HMCN1: variants seen among roughly 807,000 people sequenced by gnomAD.
The protein encoded by HMCN1 is hemicentin-1.
Under a neutral mutation model 625.9 loss-of-function variants are expected in HMCN1, and 321 were observed. That is an observed-to-expected ratio of 0.51 (90% CI 0.47 to 0.56). HMCN1 has a LOEUF of 0.56. HMCN1 is among the 20% of genes least tolerant of loss of function. HMCN1 has a pLI of 0.00. For missense variants in HMCN1, 6,588 were observed against 6,887.3 expected, an observed-to-expected ratio of 0.96 and a Z score of 1.54; for synonymous variants, 2,425 against 2,417.6, an observed-to-expected ratio of 1.00 and a Z score of -0.09.
chr1:186,127,431 G>T (rs533477785), intron 82 of HMCN1, among the ~76,000 whole-genome samples: 1 of 152,186 alleles, frequency 6.6e-6, no homozygotes, highest in African/African-American at 2.4e-5. Flanking sequence ...CTTCTCGCTT[G>T]CCACCATTAA....
At position 185,865,801 on chromosome 1, in the gene HMCN1, G is replaced by A; in HGVS notation, c.559G>A (p.Glu187Lys). 1 of 1,612,072 alleles carries A rather than the reference G, an allele frequency of 6.2e-7. No homozygotes were observed. The highest frequency in any genetic ancestry group is 2.2e-5 in the East Asian group (1 of 44,784). ...GACCCATATTGGATATAAAGTCTAT[G>A]AAGAAATTGCCTCTACAAGTTCTGG... The part of the protein sequence containing the change: ...DRTHIGYKVY[E>K]EIASTSSGQV... Residue 187 changes from glutamate (E) to lysine (K), a missense_variant, in exon 4 of 107, where the codon GAA (glutamate) becomes AAA (lysine). Around this residue, in one of 3 missense-constraint regions of HMCN1, gnomAD observed 4,628 missense variants for 4,853.1 expected, o/e 0.95. Coordinates refer to ENST00000271588, the MANE Select transcript of HMCN1 (RefSeq NM_031935.3).
At position 186,121,361 on chromosome 1, in the gene HMCN1, A is replaced by G. The variant is rs549157185; in HGVS notation, c.12229+1216A>G. Among the ~76,000 whole-genome samples the G allele has an allele frequency of 5.0e-4, 76 of 152,284 alleles. 2 individuals carry two copies. In the South Asian group the frequency reaches 0.012, roughly 25 times the overall value. ...TGCAGCTCTAGGTAATGGTTTAGAG[A>G]AAAGGGCAGGACTGGAGTTGTAGTG... On this transcript the variant is annotated intron_variant, in intron 80 of 106. Transcript: ENST00000271588.
At chr1:186,178,363 G>A in intron 103 of HMCN1, 53 bp from the exon 104 acceptor site, 2 of 1,234,562 alleles carry the variant, frequency 1.6e-6, no homozygotes, top group Admixed American at 3.4e-5. Context: ...TGTGTTTTGT[G>A]TGTGTATGTA....
In HMCN1 at chr1:185,909,331, T is replaced by C; in HGVS notation, c.622-6T>C. On this transcript the variant is annotated splice_polypyrimidine_tract_variant and splice_region_variant and intron_variant, in intron 4 of 106. Transcript: ENST00000271588. Reference sequence around the variant, plus strand: ...TATCACTTACACTTCTCTTTCTCTCTTATAGGTATTAAAATGGGTAGAAGA... The same window carrying C: ...TATCACTTACACTTCTCTTTCTCTCCTATAGGTATTAAAATGGGTAGAAGA... 6.2e-7 allele frequency: 1 copy of C among 1,605,804 alleles called. No individual in the cohort carries two copies. Among genetic ancestry groups the C allele is most frequent in the Non-Finnish European group, 8.5e-7 (1 of 1,172,670 alleles).
intron 20 of HMCN1, among the ~76,000 whole-genome samples, 162 bp downstream of exon 20, chr1:185,987,706 A>G (rs1475623798): frequency 6.6e-6 from 1 of 152,168 alleles, no homozygotes; most frequent in Non-Finnish European, 1.5e-5. Flanking sequence ...GGAACCCTCC[A>G]AGAAACCATA....
At chr1:186,130,371 A>T (rs1223825113) in intron 84 of HMCN1, 136 bp from the exon 85 acceptor site, 2 of 949,716 alleles carry the variant, frequency 2.1e-6, no homozygotes, top group Non-Finnish European at 3.2e-6. Context: ...TGAAGAGTTG[A>T]TTCTGGAAAT....
chr1:185,780,200 A>G (rs1480839987), intron 1 of HMCN1, among the ~76,000 whole-genome samples: 5 of 152,188 alleles, frequency 3.3e-5, no homozygotes, highest in Non-Finnish European at 5.9e-5. Context: ...TTGATTTTGT[A>G]TCCTGAGACT....
intron 73 of HMCN1, among the ~76,000 whole-genome samples, chr1:186,114,408 C>G (rs1648302706): frequency 6.6e-6 from 1 of 152,012 alleles, no homozygotes; most frequent in Non-Finnish European, 1.5e-5. Flanking sequence ...AAGACGCACG[C>G]CAGCACGCCC....
intron 80 of HMCN1, among the ~76,000 whole-genome samples, chr1:186,121,509 T>C (rs1661398227): frequency 6.6e-6 from 1 of 152,082 alleles, no homozygotes; most frequent in Admixed American, 6.6e-5. Context: ...AGGTTAGGAA[T>C]AGAAAATTAG....
At chr1:186,128,328 C>T in intron 83 of HMCN1, 37 bp downstream of exon 83, 1 of 1,503,588 alleles carries the variant, frequency 6.7e-7, no homozygotes, top group East Asian at 2.3e-5. Context: ...AATAAATACA[C>T]CTATGTAGAA....
In HMCN1 at chr1:186,081,736, G is replaced by A. The variant is rs979082907; in HGVS notation, c.8787+342G>A. The stretch of plus-strand genomic sequence containing the variant: ...TCTGTTGGTAAAATTCTAAATGGTA[G>A]GAAGTTCCCTATATATTTAAATTTG... On this transcript the variant is annotated intron_variant, in intron 56 of 106. Coordinates refer to ENST00000271588, the MANE Select transcript of HMCN1 (RefSeq NM_031935.3). Among the ~76,000 whole-genome samples the A allele has an allele frequency of 2.0e-5, 3 of 152,078 alleles. No individual in the cohort carries two copies. The South Asian group carries it at 6.2e-4, about 31-fold the overall frequency.
chr1:186,009,403 C>T (rs1653845746), intron 30 of HMCN1, among the ~76,000 whole-genome samples: 1 of 152,062 alleles, frequency 6.6e-6, no homozygotes, highest in Admixed American at 6.6e-5. Context: ...GAAATAGTGT[C>T]ATTTCCTCTT....
chr1:186,057,208 C>G (rs1307063612), intron 45 of HMCN1, 26 bp from the exon 46 acceptor site: 10 of 1,592,760 alleles, frequency 6.3e-6, no homozygotes, highest in African/African-American at 1.3e-5. Context: ...ATTTCCATTC[C>G]CTGTTTGTTT....
At chr1:185,814,673 A>AT (rs942199728) in intron 1 of HMCN1, among the ~76,000 whole-genome samples, 4 of 148,136 alleles carry the variant, frequency 2.7e-5, no homozygotes, top group African/African-American at 1.0e-4. Flanking sequence ...CTTAATATTT[A>AT]TTTTTTTTAA....
At position 186,190,630 on chromosome 1, in the gene HMCN1, T is replaced by TAAC. The variant is rs1653665890; in HGVS notation, c.*753_*755dup. 5.2e-6 allele frequency: 1 copy of TAAC among 192,858 alleles called. No individual in the cohort carries two copies. Among genetic ancestry groups the TAAC allele is most frequent in the Non-Finnish European group, 1.1e-5 (1 of 92,050 alleles). The allele number at this position is 192,858 out of a possible 1,614,324, so 11.9% of individuals were successfully genotyped here. A position where few individuals can be genotyped will look rare whatever the true frequency, so the allele number is the denominator to read the frequency against. Reference sequence around the variant, plus strand: ...ATAAACTTTCATCCAGTTAGCTTCATAACTTTTACGTTCCAGAATTTTGTT... The same window carrying TAAC: ...ATAAACTTTCATCCAGTTAGCTTCATAACAACTTTTACGTTCCAGAATTTTGTT... On this transcript the variant is annotated 3_prime_UTR_variant, in exon 107 of 107. Transcript: ENST00000271588.
At position 186,053,074 on chromosome 1, in the gene HMCN1, GGTCA is replaced by G; in HGVS notation, c.6700+3_6700+6del. On this transcript the variant is annotated splice_donor_variant and splice_donor_region_variant and intron_variant, in intron 43 of 106. Coordinates refer to ENST00000271588, the MANE Select transcript of HMCN1 (RefSeq NM_031935.3). LOFTEE classifies it high-confidence loss of function. ...CCCAAATCTCATCTGGAAGAAGAAA[GGTCA>G]GTTTTCATCCTTGAAATTTATAAAA... is the stretch of plus-strand genomic sequence containing the variant. The G allele has an allele frequency of 1.9e-6, 3 of 1,607,802 alleles. No individual in the cohort carries two copies. Among genetic ancestry groups the G allele is most frequent in the Non-Finnish European group, 2.6e-6 (3 of 1,175,378 alleles).
At chr1:185,999,333 T>C (rs910557233) in intron 25 of HMCN1, among the ~76,000 whole-genome samples, 1 of 152,066 alleles carries the variant, frequency 6.6e-6, no homozygotes, top group East Asian at 1.9e-4. Context: ...AGTATAGATT[T>C]AATGTTTACT....
At chr1:185,784,833 G>A (rs144692258) in intron 1 of HMCN1, among the ~76,000 whole-genome samples, 39 of 152,252 alleles carry the variant, frequency 2.6e-4, no homozygotes, top group Non-Finnish European at 5.0e-4. Context: ...TGACAAATGC[G>A]TCTACCATGT....
chr1:185,890,238 T>G (rs1664971520), intron 4 of HMCN1, among the ~76,000 whole-genome samples: 1 of 148,568 alleles, frequency 6.7e-6, no homozygotes, highest in Non-Finnish European at 1.5e-5. Flanking sequence ...TCTATCAATT[T>G]TCTTGATCCT....
Sources: gnomAD v4.1 joint callset for allele counts (sites outside exome capture counted in the v4.1 genomes callset) on GRCh38, gnomAD v4.1.1 for gene constraint, gnomAD v4.1.1 regional missense constraint, MANE v1.5 for transcripts, NCBI Gene and HGNC (gene_info 2026-07-23, HGNC 2026-07-21) for gene names.